IGSF11: variants seen among roughly 807,000 people sequenced by gnomAD.
The protein encoded by IGSF11 is immunoglobulin superfamily member 11, also known as CXADR like 1.
IGSF11 carries 22 observed loss-of-function variants against 41.0 expected under a neutral mutation model. The observed-to-expected ratio is 0.54, with a 90% CI of 0.38 to 0.77. The LOEUF (loss-of-function observed/expected upper bound fraction) is 0.77. IGSF11 is among the 30% of genes least tolerant of loss of function. The pLI, the probability that IGSF11 is intolerant of heterozygous loss-of-function variation, is 0.00. For synonymous variants in IGSF11, 219 were observed against 201.3 expected, an observed-to-expected ratio of 1.09 and a Z score of -0.74; for missense variants, 444 against 530.8, an observed-to-expected ratio of 0.84 and a Z score of 1.61.
upstream of IGSF11, among the ~76,000 whole-genome samples, chr3:119,107,590 A>C (rs879877847): frequency 5.7e-4 from 86 of 151,996 alleles, 1 homozygote; most frequent in Admixed American, 4.9e-3. Flanking sequence ...TCTTTAGTTT[A>C]ATTAGATCCC....
chr3:118,984,503 G>A (rs1935064426), intron 1 of IGSF11, among the ~76,000 whole-genome samples: 1 of 152,118 alleles, frequency 6.6e-6, no homozygotes, highest in African/African-American at 2.4e-5. Flanking sequence ...ATAGTGATTG[G>A]ATCTGGGATG....
chr3:119,135,764 G>A (rs945400682), intron 1 of IGSF11, among the ~76,000 whole-genome samples: 2 of 152,116 alleles, frequency 1.3e-5, no homozygotes, highest in African/African-American at 4.8e-5. Context: ...ACATGCACAC[G>A]TATGTTTACT....
chr3:118,938,029 T>TAC (rs1398024065), intron 1 of IGSF11, among the ~76,000 whole-genome samples: 1 of 150,742 alleles, frequency 6.6e-6, no homozygotes, highest in African/African-American at 2.5e-5. Flanking sequence ...CTCTCATATA[T>TAC]ATATATATAA....
At chr3:119,139,645 C>T (rs1398659043) in intron 1 of IGSF11, among the ~76,000 whole-genome samples, 1 of 152,144 alleles carries the variant, frequency 6.6e-6, no homozygotes, top group African/African-American at 2.4e-5. Flanking sequence ...TCCATTAAAC[C>T]TCTTTATTTT....
At chr3:119,035,114 G>A (rs1940828598), upstream of IGSF11, among the ~76,000 whole-genome samples, 1 of 152,144 alleles carries the variant, frequency 6.6e-6, no homozygotes, top group Non-Finnish European at 1.5e-5. Flanking sequence ...CCTCCTCGCC[G>A]GAGTTAGGGC....
intron 1 of IGSF11, among the ~76,000 whole-genome samples, chr3:119,010,407 G>A (rs538546992): frequency 3.3e-5 from 5 of 152,320 alleles, no homozygotes; most frequent in East Asian, 1.9e-4. Flanking sequence ...AGGGATATCC[G>A]GAAAGTGGGT....
intron 1 of IGSF11, chr3:119,112,869 G>GT (rs1379400604): frequency 2.6e-5 from 4 of 152,456 alleles, no homozygotes; most frequent in Non-Finnish European, 4.4e-5. Context: ...AAGAGCTTCA[G>GT]TTCGCTCACA....
In IGSF11 at chr3:119,128,391, A is replaced by G. The variant is rs549571490; in HGVS notation, c.-14+17422T>C. Among the ~76,000 whole-genome samples, 276 of 151,972 alleles carry G rather than the reference A, an allele frequency of 1.8e-3. 2 individuals are homozygous for G. The highest frequency in any genetic ancestry group is 6.1e-3 in the African/African-American group (251 of 41,450). ...GAAAGAGAGAGAGAAACAGAGAAAG[A>G]GAGAGAGAGAAAGGAAGGAAAAGAA... On this transcript the variant is annotated intron_variant, in intron 1 of 7. Coordinates refer to the IGSF11 transcript ENST00000425327.
intron 4 of IGSF11, among the ~76,000 whole-genome samples, chr3:118,909,840 T>C (rs1297629631): frequency 6.6e-6 from 1 of 152,250 alleles, no homozygotes; most frequent in South Asian, 2.1e-4. Context: ...CACCCTCTTC[T>C]ATTTGTGTTT....
At chr3:118,923,807 A>G (rs1187441045) in intron 4 of IGSF11, among the ~76,000 whole-genome samples, 6 of 152,184 alleles carry the variant, frequency 3.9e-5, no homozygotes, top group Admixed American at 2.6e-4. Context: ...TTTGACAGCA[A>G]TATCACAGAA....
intron 1 of IGSF11, among the ~76,000 whole-genome samples, chr3:118,997,507 T>C (rs2107662979): frequency 6.6e-6 from 1 of 152,042 alleles, no homozygotes; most frequent in South Asian, 2.1e-4. Flanking sequence ...CTTCAAACTA[T>C]TTTCACAACA....
At chr3:118,906,937 T>C (rs1230622290) in intron 4 of IGSF11, among the ~76,000 whole-genome samples, 3 of 152,186 alleles carry the variant, frequency 2.0e-5, no homozygotes, top group Admixed American at 6.5e-5. Context: ...GGAAATTCAA[T>C]TGGATGAAGG....
intron 1 of IGSF11, among the ~76,000 whole-genome samples, chr3:119,056,043 A>AT (rs762269124): frequency 3.3e-5 from 5 of 152,184 alleles, no homozygotes; most frequent in Non-Finnish European, 5.9e-5. Flanking sequence ...TTGACACCCT[A>AT]ATATCACAAT....
Position 119,098,094 on chromosome 3 carries a change from C to T in IGSF11, c.49+7050G>A, listed in dbSNP as rs76363758. 2.2e-3 allele frequency among the ~76,000 whole-genome samples: 332 copies of T among 151,138 alleles called. 2 individuals carry two copies. The highest frequency in any genetic ancestry group is 6.6e-3 in the African/African-American group (271 of 41,242). On this transcript the variant is annotated intron_variant, in intron 1 of 6. Transcript: ENST00000354673. ...GGATTAAAGGTGTGAGCCACCGCAC[C>T]GAGCCAATTTGGTTTTCTTTTGGAG...
chr3:118,991,586 A>G (rs1255730860), intron 1 of IGSF11, among the ~76,000 whole-genome samples: 2 of 152,238 alleles, frequency 1.3e-5, no homozygotes, highest in African/African-American at 4.8e-5. Context: ...AAGAGTAATA[A>G]GCTTTTAACA....
chr3:118,931,512 C>T (rs910568115), intron 1 of IGSF11, among the ~76,000 whole-genome samples: 1 of 152,162 alleles, frequency 6.6e-6, no homozygotes, highest in Non-Finnish European at 1.5e-5. Flanking sequence ...ACAACATGCA[C>T]GAGCCTCCCA....
intron 1 of IGSF11, among the ~76,000 whole-genome samples, chr3:118,965,478 T>G (rs1324784353): frequency 3.9e-5 from 6 of 152,154 alleles, no homozygotes; most frequent in Non-Finnish European, 8.8e-5. Flanking sequence ...TGCTTTTTTT[T>G]GGCTCGAAAA....
chr3:118,980,108 C>A (rs1156873129), intron 1 of IGSF11, among the ~76,000 whole-genome samples: 3 of 151,978 alleles, frequency 2.0e-5, no homozygotes, highest in African/African-American at 7.2e-5. Flanking sequence ...TATGGACATT[C>A]AAAAAACAAC....
chr3:119,131,326 G>C (rs2903302), intron 1 of IGSF11, among the ~76,000 whole-genome samples: 69,983 of 151,844 alleles, frequency 0.46, 16,198 homozygotes, highest in African/African-American at 0.48. Flanking sequence ...AGATGAATGG[G>C]TACTAGAATA....
Sources: gnomAD v4.1 joint callset for allele counts (sites outside exome capture counted in the v4.1 genomes callset) on GRCh38, gnomAD v4.1.1 for gene constraint, MANE v1.5 for transcripts, NCBI Gene and HGNC (gene_info 2026-07-23, HGNC 2026-07-21) for gene names.